Variants in TAF8 observed in about 807,000 individuals in gnomAD.
TAF8 encodes the protein transcription initiation factor TFIID subunit 8.
Under a neutral mutation model 36.5 loss-of-function variants are expected in TAF8, and 47 were observed. The ratio of observed to expected loss-of-function variants is 1.29; its 90% CI spans 1.02 to 1.64. The LOEUF is 1.64. Ranked by LOEUF, TAF8 falls within the 40% of genes most tolerant of loss-of-function variation. The pLI, the probability that TAF8 is intolerant of heterozygous loss-of-function variation, is 0.00. For missense variants in TAF8, 420 were observed against 407.6 expected, an observed-to-expected ratio of 1.03 and a Z score of -0.26; for synonymous variants, 175 against 159.5, an observed-to-expected ratio of 1.10 and a Z score of -0.73.
At position 42,066,349 on chromosome 6, in the gene TAF8, G is replaced by C. The variant is rs371265065; in HGVS notation, c.527G>C (p.Arg176Pro). 1.9e-6 allele frequency: 3 copies of C among 1,614,030 alleles called. No homozygotes were observed. The highest frequency in any genetic ancestry group is 2.5e-6 in the Non-Finnish European group (3 of 1,180,034). Reference sequence around the variant, plus strand: ...CCCGTGTCAGACTACCAGGTCCTGCGGGAGAAGGCTGCATCCCAGAGGCGC... The same window carrying C: ...CCCGTGTCAGACTACCAGGTCCTGCCGGAGAAGGCTGCATCCCAGAGGCGC... ...REPVSDYQVL[R>P]EKAASQRRDV... is the part of the protein sequence containing the mutation. Residue 176 changes from arginine (R) to proline (P), a missense_variant, in exon 6 of 9, where the codon CGG becomes CCG. Physicochemically the swap from Arg to Pro is moderately radical, Grantham distance 103. Transcript: ENST00000372977.
At position 42,077,641 on chromosome 6, in the gene TAF8, C is replaced by T; in HGVS notation, c.*96C>T. 1 of 1,565,012 alleles carries T rather than the reference C, an allele frequency of 6.4e-7. No individual in the cohort carries two copies. Among genetic ancestry groups the T allele is most frequent in the East Asian group, 2.4e-5 (1 of 42,484 alleles). ...GAAGAAGAGGGTGACCTCCTCATGG[C>T]CAAGCCGAGGCTGCAGGGTGTGATC... On this transcript the variant is annotated 3_prime_UTR_variant, in exon 9 of 9. Coordinates refer to ENST00000372977, the MANE Select transcript of TAF8 (RefSeq NM_138572.3).
rs115210360 is a variant in TAF8 at position 42,080,075 on chromosome 6, C to T, written c.*2530C>T. The T allele has an allele frequency of 9.1e-4, 900 of 985,218 alleles. 10 individuals carry two copies. The African/African-American group carries it at 0.014, about 16-fold the overall frequency. The allele number at this position is 985,218 out of a possible 1,614,324, so 61.0% of individuals were successfully genotyped here. On this transcript the variant is annotated 3_prime_UTR_variant, in exon 9 of 9. Coordinates refer to ENST00000372977, the MANE Select transcript of TAF8 (RefSeq NM_138572.3). ...GTAGTAACGTGAAACTCTCCTAGAT[C>T]GAAGCAGTTAGACTGGCCTATGTGG...
Position 42,078,096 on chromosome 6 carries a change from G to C in TAF8, c.*551G>C, listed in dbSNP as rs113053216. The C allele has an allele frequency of 5.1e-5, 23 of 447,518 alleles. No homozygotes were observed. The highest frequency in any genetic ancestry group is 5.9e-5 in the Non-Finnish European group (20 of 338,102). The allele number at this position is 447,518 out of a possible 1,614,324, so 27.7% of individuals were successfully genotyped here. ...AATAGAGATAAGGTTTCGCCATGTT[G>C]GCCAGGCTGGTCTTGAACTCCTGAC... On this transcript the variant is annotated 3_prime_UTR_variant, in exon 9 of 9. Transcript: ENST00000372977.
At chr6:42,077,451 C>G in intron 8 of TAF8, 82 bp from the exon 9 acceptor site, 1 of 1,586,238 alleles carries the variant, frequency 6.3e-7, no homozygotes, top group South Asian at 1.1e-5. Flanking sequence ...GACCAACCCT[C>G]ACAGCACTGG....
chr6:42,064,649 A>T (rs1270508450), intron 5 of TAF8, among the ~76,000 whole-genome samples: 1 of 152,126 alleles, frequency 6.6e-6, no homozygotes, highest in Non-Finnish European at 1.5e-5. Flanking sequence ...ACTGATGGTG[A>T]CAACAAAGAA....
intron 5 of TAF8, among the ~76,000 whole-genome samples, chr6:42,062,074 AC>A (rs1765210122): frequency 6.6e-6 from 1 of 151,616 alleles, no homozygotes; most frequent in Non-Finnish European, 1.5e-5. Flanking sequence ...CCTGCCATTC[AC>A]CCAAAGGAGA....
chr6:42,053,684 T>C (rs565086700), intron 2 of TAF8, among the ~76,000 whole-genome samples: 1 of 152,238 alleles, frequency 6.6e-6, no homozygotes, highest in African/African-American at 2.4e-5. Flanking sequence ...TCAGGAAAAC[T>C]ACCTGAGAGA....
chr6:42,074,838 CTTTTTT>C (rs5875785), intron 7 of TAF8, among the ~76,000 whole-genome samples: 1 of 143,362 alleles, frequency 7.0e-6, no homozygotes. Flanking sequence ...GCCTGGCCTA[CTTTTTT>C]TTTTTTTTTT....
intron 5 of TAF8, chr6:42,063,089 C>T (rs953926319): frequency 6.6e-6 from 1 of 152,154 alleles, no homozygotes; most frequent in East Asian, 1.9e-4. Context: ...TAGGACATAT[C>T]AAAAATGTTT....
intron 5 of TAF8, among the ~76,000 whole-genome samples, chr6:42,065,903 A>G (rs1163133436): frequency 6.6e-6 from 1 of 151,798 alleles, no homozygotes. Context: ...AATTTTATTT[A>G]TTTATTTATT....
rs955067763 is a variant in TAF8 at position 42,080,694 on chromosome 6, A to C, written c.*3149A>C. On this transcript the variant is annotated 3_prime_UTR_variant, in exon 9 of 9. Transcript: ENST00000372977. The stretch of plus-strand genomic sequence containing the variant: ...GCCTGGCCTCAGAGGCTATACTCTT[A>C]TAATTTTGTTCTGAGGGGAGACAGG... 209 of 985,216 alleles carry C rather than the reference A, an allele frequency of 2.1e-4. No homozygotes were observed. In the South Asian group the frequency reaches 3.4e-3, roughly 16 times the overall value. 61.0% of individuals were successfully genotyped at this position (985,216 alleles called of 1,614,324 possible).
chr6:42,059,008 G>A (rs1013717301), intron 5 of TAF8, among the ~76,000 whole-genome samples: 1 of 152,070 alleles, frequency 6.6e-6, no homozygotes, highest in African/African-American at 2.4e-5. Flanking sequence ...CCCAGCATTC[G>A]GGGAGCAGAG....
intron 5 of TAF8, among the ~76,000 whole-genome samples, chr6:42,058,621 G>A (rs943544194): frequency 6.6e-6 from 1 of 152,170 alleles, no homozygotes; most frequent in South Asian, 2.1e-4. Flanking sequence ...ACCTTAGGGT[G>A]GGGGAGAGGG....
intron 5 of TAF8, among the ~76,000 whole-genome samples, chr6:42,065,125 C>T (rs892272531): frequency 6.6e-6 from 1 of 151,960 alleles, no homozygotes; most frequent in African/African-American, 2.4e-5. Context: ...GTGGGTGGAT[C>T]ATCTGAGGTC....
intron 5 of TAF8, among the ~76,000 whole-genome samples, chr6:42,063,943 A>T (rs1765268999): frequency 6.6e-6 from 1 of 152,180 alleles, no homozygotes; most frequent in African/African-American, 2.4e-5. Context: ...TTAATACTTG[A>T]TGGAATAGTA....
rs569924576 is a variant in TAF8, at chr6:42,064,270, G to T, written c.490-2042G>T. ...AAGTTTTGGGGTTTTTTTGTGGGGG[G>T]TGGACAGAGTCTCGCTCAGTCCCCC... On this transcript the variant is annotated intron_variant, in intron 5 of 8. Coordinates refer to ENST00000372977, the MANE Select transcript of TAF8 (RefSeq NM_138572.3). 7.2e-4 allele frequency among the ~76,000 whole-genome samples: 110 copies of T among 151,956 alleles called. 1 individual carries two copies. The highest frequency in any genetic ancestry group is 7.2e-3 in the Admixed American group (109 of 15,244).
Position 42,079,827 on chromosome 6 carries a change from T to A in TAF8, c.*2282T>A, listed in dbSNP as rs1411909280. 4.1e-6 allele frequency: 4 copies of A among 984,848 alleles called. No homozygotes were observed. Among genetic ancestry groups the A allele is most frequent in the Non-Finnish European group, 4.8e-6 (4 of 829,656 alleles). 61.0% of individuals were successfully genotyped at this position (984,848 alleles called of 1,614,324 possible). A position where few individuals can be genotyped will look rare whatever the true frequency, so the allele number is the denominator to read the frequency against. On this transcript the variant is annotated 3_prime_UTR_variant, in exon 9 of 9. Coordinates refer to ENST00000372977, the MANE Select transcript of TAF8 (RefSeq NM_138572.3). ...CCTTGGCCTTCCAAAGTGTTGAGAT[T>A]ACAGGCGTGAGCCACGGTGCCCAGC...
At position 42,077,624 on chromosome 6, in the gene TAF8, G is replaced by A. The variant is rs1313210003; in HGVS notation, c.*79G>A. On this transcript the variant is annotated 3_prime_UTR_variant, in exon 9 of 9. Coordinates refer to ENST00000372977, the MANE Select transcript of TAF8 (RefSeq NM_138572.3). ...GTTAAAGCCACTCAAGGGAAGAAGAGGGTGACCTCCTCATGGCCAAGCCGA... is the reference window on the plus strand; with the variant it reads ...GTTAAAGCCACTCAAGGGAAGAAGAAGGTGACCTCCTCATGGCCAAGCCGA... 1.3e-6 allele frequency: 2 copies of A among 1,584,180 alleles called. No homozygotes were observed. Among genetic ancestry groups the A allele is most frequent in the Non-Finnish European group, 8.6e-7 (1 of 1,164,918 alleles).
chr6:42,068,565 T>G lies in TAF8; in HGVS notation c.738T>G (p.Asp246Glu). Residue 246 changes from aspartate (D) to glutamate (E), a missense_variant, in exon 7 of 9, where the codon GAT becomes GAG. Coordinates refer to ENST00000372977, the MANE Select transcript of TAF8 (RefSeq NM_138572.3). ...AAGAGACAGATTCCTCGGAGCAGGA[T>G]GAACAGACAGACACAGAGAACCTTG... The part of the protein sequence containing the change: ...QMEETDSSEQ[D>E]EQTDTENLAL... 6.2e-7 allele frequency: 1 copy of G among 1,613,986 alleles called. No homozygotes were observed. Among genetic ancestry groups the G allele is most frequent in the East Asian group, 2.2e-5 (1 of 44,874 alleles).
Sources: gnomAD v4.1 joint callset for allele counts (sites outside exome capture counted in the v4.1 genomes callset) on GRCh38, gnomAD v4.1.1 for gene constraint, MANE v1.5 for transcripts, NCBI Gene and HGNC (gene_info 2026-07-23, HGNC 2026-07-21) for gene names.